Variants in RTN4 observed in about 807,000 individuals in gnomAD.
The protein encoded by RTN4 is reticulon 4.
Under a neutral mutation model 90.4 loss-of-function variants are expected in RTN4, and 32 were observed. That is an observed-to-expected ratio of 0.35 (90% CI 0.27 to 0.48). The LOEUF is 0.48. RTN4 is among the 20% of genes least tolerant of loss of function. The pLI is 0.99. For missense variants in RTN4, 1,706 were observed against 1,430.2 expected (o/e 1.19, Z -3.11); for synonymous variants, 629 against 552.5 (o/e 1.14, Z -1.94).
intron 1 of RTN4, among the ~76,000 whole-genome samples, chr2:55,097,373 G>T (rs1667761908): frequency 6.6e-6 from 1 of 151,740 alleles, no homozygotes; most frequent in African/African-American, 2.4e-5. Context: ...TGGGGGGAAA[G>T]CCTGGTAATT....
intron 3 of RTN4, among the ~76,000 whole-genome samples, chr2:55,015,985 G>T (rs906851492): frequency 6.6e-6 from 1 of 151,980 alleles, no homozygotes; most frequent in African/African-American, 2.4e-5. Context: ...CACTAACCTA[G>T]GTTTTTATTT....
At chr2:54,984,936 C>G (rs1225468931) in intron 4 of RTN4, among the ~76,000 whole-genome samples, 1 of 152,024 alleles carries the variant, frequency 6.6e-6, no homozygotes, top group East Asian at 1.9e-4. Flanking sequence ...TGAGACCCAT[C>G]TCTTTGAAGA....
chr2:55,065,091 T>C (rs1033099719), intron 2 of RTN4, among the ~76,000 whole-genome samples: 1 of 152,228 alleles, frequency 6.6e-6, no homozygotes, highest in Non-Finnish European at 1.5e-5. Flanking sequence ...CTGGTTGATA[T>C]CTGTAGCCTG....
intron 3 of RTN4, among the ~76,000 whole-genome samples, chr2:55,021,119 C>T (rs1031850205): frequency 2.6e-5 from 4 of 152,066 alleles, no homozygotes; most frequent in Admixed American, 2.6e-4. Context: ...TTTAAAAACA[C>T]ACTTAAATAT....
chr2:55,116,178 C>G (rs763023843), upstream of RTN4, among the ~76,000 whole-genome samples: 1 of 150,708 alleles, frequency 6.6e-6, no homozygotes, highest in Non-Finnish European at 1.5e-5. Flanking sequence ...ATCCTCCCGC[C>G]TGGCCTCCCA....
chr2:55,087,445 A>T (rs948153204), intron 1 of RTN4, among the ~76,000 whole-genome samples: 1 of 152,186 alleles, frequency 6.6e-6, no homozygotes, highest in South Asian at 2.1e-4. Context: ...ATTGGTTTGC[A>T]TGTTTTCAAA....
At chr2:55,127,968 A>G in the RTN4 span, among the ~76,000 whole-genome samples, 1 of 151,276 alleles carries the variant, frequency 6.6e-6, no homozygotes, top group Non-Finnish European at 1.5e-5. Flanking sequence ...CTTGGAGTGC[A>G]GTGGAGCCAT....
intron 2 of RTN4, among the ~76,000 whole-genome samples, chr2:55,057,865 T>C (rs916175541): frequency 1.3e-5 from 2 of 152,114 alleles, no homozygotes; most frequent in Admixed American, 1.3e-4. Context: ...TGCATGTGGT[T>C]CTAGCTACTT....
chr2:54,991,930 G>A (rs913600956), intron 3 of RTN4, among the ~76,000 whole-genome samples: 4 of 152,076 alleles, frequency 2.6e-5, no homozygotes, highest in South Asian at 2.1e-4. Context: ...AAAATGATAC[G>A]CTTAAGCCTG....
chr2:55,134,689 G>C, the RTN4 span, among the ~76,000 whole-genome samples: 2 of 151,976 alleles, frequency 1.3e-5, no homozygotes, highest in East Asian at 1.9e-4. Context: ...CAGAGTTCTA[G>C]GTTTATAATC....
intron 6 of RTN4, 94 bp from the exon 7 acceptor site, chr2:54,973,961 C>A: frequency 9.3e-7 from 1 of 1,071,382 alleles, no homozygotes; most frequent in South Asian, 1.5e-5. Flanking sequence ...CTCAAGATAA[C>A]CAAGCAGTGT....
chr2:55,048,074 G>A (rs752308888), intron 1 of RTN4, among the ~76,000 whole-genome samples: 15 of 152,184 alleles, frequency 9.9e-5, no homozygotes, highest in Non-Finnish European at 1.5e-4. Context: ...ATTGCTCCTA[G>A]GCTACTAACC....
At chr2:55,093,957 T>A (rs1351531279) in intron 1 of RTN4, among the ~76,000 whole-genome samples, 1 of 152,200 alleles carries the variant, frequency 6.6e-6, no homozygotes, top group Non-Finnish European at 1.5e-5. Context: ...GACATGGAAA[T>A]AGCATGAAAG....
chr2:54,985,562 C>CA (rs1191771149), intron 4 of RTN4, among the ~76,000 whole-genome samples: 2 of 152,122 alleles, frequency 1.3e-5, no homozygotes, highest in African/African-American at 4.8e-5. Flanking sequence ...AGAATTATCA[C>CA]AAATTTAAAA....
At chr2:55,111,886 C>T (rs770695157) in intron 1 of RTN4, among the ~76,000 whole-genome samples, 3 of 152,188 alleles carry the variant, frequency 2.0e-5, no homozygotes, top group South Asian at 2.1e-4. Flanking sequence ...CCAGCTCTGC[C>T]GGCAGACCCT....
At chr2:55,001,700 G>A (rs1300889145) in intron 3 of RTN4, among the ~76,000 whole-genome samples, 2 of 152,124 alleles carry the variant, frequency 1.3e-5, no homozygotes, top group African/African-American at 4.8e-5. Flanking sequence ...AAAAAACACT[G>A]ACAGTCCAAC....
chr2:55,016,310 C>T (rs1005079298), intron 3 of RTN4, among the ~76,000 whole-genome samples: 5 of 152,258 alleles, frequency 3.3e-5, no homozygotes, highest in South Asian at 4.1e-4. Context: ...CGGCCAGGTG[C>T]GCTGGTTCAT....
In RTN4 at chr2:55,026,863, G is replaced by A. The variant is rs746519823; in HGVS notation, c.1236C>T (p.Ile412=). 1.4e-5 allele frequency: 22 copies of A among 1,613,602 alleles called. No individual in the cohort carries two copies. Among genetic ancestry groups the A allele is most frequent in the African/African-American group, 4.0e-5 (3 of 74,810 alleles). The change falls in exon 3 of 9, where the codon ATC becomes ATT. Residue 412 remains isoleucine, a synonymous_variant. Coordinates refer to ENST00000337526, the MANE Select transcript of RTN4 (RefSeq NM_020532.5). ...CCACTTTACTTTCCAAGTTGCTCTC[G>A]ATTTTACCTCCAGCAGCCAACATAT... is the stretch of plus-strand genomic sequence containing the variant. The part of the protein sequence containing the change: ...DSDMLAAGGK[I]ESNLESKVDK...
chr2:55,050,566 G>A, upstream of RTN4: 1 of 325,568 alleles, frequency 3.1e-6, no homozygotes, highest in Non-Finnish European at 5.6e-6. The surrounding 1 kb of genome is among the most constrained non-coding windows in gnomAD (Gnocchi z 4.6). Flanking sequence ...CCAGTTTGGC[G>A]TGACTCACCC....
Sources: allele counts gnomAD v4.1 joint callset (sites outside exome capture counted in the v4.1 genomes callset), GRCh38; gene constraint gnomAD v4.1.1; non-coding constraint Gnocchi (gnomAD v3.1); transcripts MANE v1.5; gene names NCBI Gene and HGNC (gene_info 2026-07-23, HGNC 2026-07-21).